The following CHLSN variants were observed in gnomAD, a reference collection of about 807,000 sequenced individuals.
CHLSN encodes cholesin, also known as protein cholesin.
the CHLSN span, among the ~76,000 whole-genome samples, chr7:1,113,939 C>T: frequency 1.3e-5 from 2 of 152,332 alleles, no homozygotes; most frequent in South Asian, 2.1e-4. Flanking sequence ...TGGAGAGGCC[C>T]GAGCTCAGAA....
chr7:1,006,071 A>G, the CHLSN span, among the ~76,000 whole-genome samples: 1 of 152,172 alleles, frequency 6.6e-6, no homozygotes, highest in African/African-American at 2.4e-5. Context: ...TTTCTCTTTA[A>G]TGAGGAACAG....
At chr7:1,047,793 G>T in the CHLSN span, among the ~76,000 whole-genome samples, 1 of 152,180 alleles carries the variant, frequency 6.6e-6, no homozygotes, top group Non-Finnish European at 1.5e-5. Context: ...ACTGTCCGGG[G>T]ACAATAAGAA....
the CHLSN span, among the ~76,000 whole-genome samples, chr7:1,100,433 C>T: frequency 1.3e-5 from 2 of 152,258 alleles, no homozygotes; most frequent in African/African-American, 4.8e-5. Context: ...GCTGCACAGA[C>T]CCGGGACAGG....
the CHLSN span, among the ~76,000 whole-genome samples, chr7:1,104,110 G>A: frequency 8.3e-4 from 126 of 152,362 alleles, no homozygotes; most frequent in Middle Eastern, 3.4e-3. Context: ...ACTGCCAGGC[G>A]GGACCAAAGT....
chr7:1,065,188 C>G, the CHLSN span, among the ~76,000 whole-genome samples: 2 of 152,186 alleles, frequency 1.3e-5, no homozygotes, highest in African/African-American at 4.8e-5. Context: ...CTGCCCAGCT[C>G]CAGCCAACTG....
chr7:978,144 C>T, the CHLSN span, among the ~76,000 whole-genome samples: 1 of 152,030 alleles, frequency 6.6e-6, no homozygotes, highest in East Asian at 1.9e-4. Flanking sequence ...TGTCACCTGG[C>T]AAATGATTAT....
the CHLSN span, among the ~76,000 whole-genome samples, chr7:993,465 G>T: frequency 9.1e-4 from 139 of 152,288 alleles, 2 homozygotes; most frequent in Middle Eastern, 0.014. Context: ...GGGCTGGAAG[G>T]TCAGCTTGAG....
At chr7:1,133,541 G>C in the CHLSN span, among the ~76,000 whole-genome samples, 1 of 151,868 alleles carries the variant, frequency 6.6e-6, no homozygotes, top group African/African-American at 2.4e-5. Context: ...ACGAGGTCAG[G>C]AGATCAAGAC....
chr7:988,060 C>T, the CHLSN span, among the ~76,000 whole-genome samples: 1 of 123,482 alleles, frequency 8.1e-6, no homozygotes, highest in Non-Finnish European at 1.6e-5. Context: ...GCGTCCCTCT[C>T]CATGCATCCT....
the CHLSN span, among the ~76,000 whole-genome samples, chr7:1,104,667 A>C: frequency 6.6e-6 from 1 of 152,228 alleles, no homozygotes; most frequent in African/African-American, 2.4e-5. Context: ...GCCTGACAGC[A>C]GGAGACGTGA....
At chr7:1,030,468 G>T in the CHLSN span, among the ~76,000 whole-genome samples, 1 of 152,176 alleles carries the variant, frequency 6.6e-6, no homozygotes, top group Non-Finnish European at 1.5e-5. Context: ...GGATGGGGAC[G>T]TGGTGCCGGC....
the CHLSN span, among the ~76,000 whole-genome samples, chr7:1,016,245 A>G: frequency 4.6e-5 from 3 of 65,344 alleles, no homozygotes; most frequent in African/African-American, 2.1e-4. Flanking sequence ...AGCAGCACAC[A>G]GCAGCGCACG....
the CHLSN span, among the ~76,000 whole-genome samples, chr7:1,133,206 C>T: frequency 6.6e-6 from 1 of 152,056 alleles, no homozygotes; most frequent in African/African-American, 2.4e-5. Flanking sequence ...CTGCAAAATT[C>T]CACTTCTGTG....
At chr7:1,138,160 G>GC in the CHLSN span, 1 of 151,858 alleles carries the variant, frequency 6.6e-6, no homozygotes, top group Non-Finnish European at 1.5e-5. Flanking sequence ...TGACCCGCCG[G>GC]CCACCCCGCC....
the CHLSN span, among the ~76,000 whole-genome samples, chr7:1,049,141 G>A: frequency 6.6e-6 from 1 of 152,342 alleles, no homozygotes; most frequent in South Asian, 2.1e-4. Flanking sequence ...CCTCCTCCAC[G>A]TTGGCCAGCA....
the CHLSN span, among the ~76,000 whole-genome samples, chr7:1,002,059 G>A: frequency 7.4e-6 from 1 of 135,768 alleles, no homozygotes; most frequent in African/African-American, 2.8e-5. Flanking sequence ...CTGCGGGTGG[G>A]GAGTCCTGTG....
At chr7:1,014,983 G>A in the CHLSN span, among the ~76,000 whole-genome samples, 3 of 152,348 alleles carry the variant, frequency 2.0e-5, 1 homozygote, top group African/African-American at 7.2e-5. Context: ...GGGCTGGGAG[G>A]AGCAGGCAGC....
chr7:1,008,842 C>T, the CHLSN span, among the ~76,000 whole-genome samples: 7 of 95,500 alleles, frequency 7.3e-5, no homozygotes, highest in South Asian at 6.5e-4. Context: ...TGTATACACA[C>T]GCACACACGT....
chr7:1,003,398 T>G, the CHLSN span, among the ~76,000 whole-genome samples: 1 of 31,328 alleles, frequency 3.2e-5, no homozygotes, highest in African/African-American at 1.3e-4. Context: ...TGTGGGTGAG[T>G]GGAGTCCTGT....
Sources: gnomAD v4.1 joint callset for allele counts (sites outside exome capture counted in the v4.1 genomes callset) on GRCh38, gnomAD v4.1.1 for gene constraint, MANE v1.5 for transcripts, NCBI Gene and HGNC (gene_info 2026-07-23, HGNC 2026-07-21) for gene names.